Variants in SMC2 observed in about 807,000 individuals in gnomAD.
The protein encoded by SMC2 is structural maintenance of chromosomes protein 2.
Under a neutral mutation model 142.6 loss-of-function variants are expected in SMC2, and 41 were observed. The ratio of observed to expected loss-of-function variants is 0.29; its 90% CI spans 0.22 to 0.37. The LOEUF (loss-of-function observed/expected upper bound fraction) is 0.37. SMC2 is among the 10% of genes least tolerant of loss of function. The pLI is 1.00. For synonymous variants in SMC2, 463 were observed against 457.5 expected, an observed-to-expected ratio of 1.01 and a Z score of -0.15; for missense variants, 1,265 against 1,373.7, an observed-to-expected ratio of 0.92 and a Z score of 1.25.
chr9:104,102,658 T>A (rs1447733671), intron 9 of SMC2, 85 bp downstream of exon 9: 1 of 1,332,048 alleles, frequency 7.5e-7, no homozygotes, highest in African/African-American at 1.5e-5. Context: ...CCATGAATAT[T>A]TAGTGAGTGT....
intron 23 of SMC2, among the ~76,000 whole-genome samples, chr9:104,136,922 A>T (rs189640725): frequency 4.0e-4 from 61 of 152,170 alleles, no homozygotes; most frequent in African/African-American, 1.4e-3. Context: ...AGGCAGGTGG[A>T]TCACTACTTG....
At chr9:104,111,985 G>C (rs1256400010) in intron 10 of SMC2, among the ~76,000 whole-genome samples, 171 bp downstream of exon 10, 1 of 152,134 alleles carries the variant, frequency 6.6e-6, no homozygotes, top group Non-Finnish European at 1.5e-5. Context: ...CAAATATGTT[G>C]ATTGCTAAAT....
chr9:104,124,524 T>A (rs999158155), intron 17 of SMC2, among the ~76,000 whole-genome samples: 2 of 152,214 alleles, frequency 1.3e-5, no homozygotes, highest in African/African-American at 4.8e-5. Flanking sequence ...TAAGCTTGTT[T>A]ATGAAATTAC....
intron 22 of SMC2, 50 bp from the exon 23 acceptor site, chr9:104,134,365 C>G (rs1452464042): frequency 1.4e-6 from 2 of 1,419,540 alleles, no homozygotes; most frequent in Non-Finnish European, 1.9e-6. Flanking sequence ...ACAATTGATT[C>G]TTCTTGGAAA....
chr9:104,108,798 A>G (rs940113081), intron 9 of SMC2, among the ~76,000 whole-genome samples: 1 of 152,080 alleles, frequency 6.6e-6, no homozygotes, highest in African/African-American at 2.4e-5. Flanking sequence ...GGCCATTCCC[A>G]CAAGTGTTGG....
chr9:104,115,434 G>A (rs1437327245), intron 13 of SMC2, among the ~76,000 whole-genome samples: 7 of 151,896 alleles, frequency 4.6e-5, no homozygotes, highest in Non-Finnish European at 1.0e-4. Flanking sequence ...AGTTACCCAG[G>A]CGTAGTGGCG....
At position 104,105,826 on chromosome 9, in the gene SMC2, T is replaced by C. The variant is rs543045854; in HGVS notation, c.1020+3253T>C. On this transcript the variant is annotated intron_variant, in intron 9 of 24. Transcript: ENST00000374793. ...TGGGCTATGACAGAAATGTCCTGGA[T>C]GTCATATCTAACATCTTATCATGTT... 1.2e-4 allele frequency among the ~76,000 whole-genome samples: 19 copies of C among 152,280 alleles called. No individual in the cohort carries two copies. In the East Asian group the frequency reaches 3.7e-3, roughly 29 times the overall value.
At chr9:104,105,957 C>G (rs1831718943) in intron 9 of SMC2, among the ~76,000 whole-genome samples, 2 of 152,186 alleles carry the variant, frequency 1.3e-5, no homozygotes, top group Admixed American at 1.3e-4. Flanking sequence ...CTAACACACT[C>G]CTGGGATCTC....
chr9:104,089,462 GAAT>G (rs1309974866), upstream of SMC2, among the ~76,000 whole-genome samples: 2 of 152,070 alleles, frequency 1.3e-5, no homozygotes, highest in Non-Finnish European at 2.9e-5. Flanking sequence ...TATGAAATGA[GAAT>G]AATATTTGAG....
intron 24 of SMC2, 22 bp from the exon 25 acceptor site, chr9:104,139,117 A>T: frequency 1.3e-6 from 2 of 1,525,622 alleles, no homozygotes; most frequent in Non-Finnish European, 1.7e-6. Flanking sequence ...GTTTTTTTAT[A>T]CTTTTTTCTT....
chr9:104,099,761 T>C, intron 5 of SMC2, 79 bp downstream of exon 5: 1 of 939,500 alleles, frequency 1.1e-6, no homozygotes, highest in Non-Finnish European at 1.6e-6. Flanking sequence ...TTAAATATTC[T>C]ATTAAAATTT....
At chr9:104,100,325 C>G (rs1397591637) in intron 6 of SMC2, 64 bp from the exon 7 acceptor site, 6 of 1,454,170 alleles carry the variant, frequency 4.1e-6, no homozygotes, top group Non-Finnish European at 5.7e-6. Flanking sequence ...CCTGCTACTT[C>G]TCTTTCAAAT....
In SMC2 at chr9:104,102,432, A is replaced by T. The variant is rs376946518; in HGVS notation, c.879A>T (p.Gly293=). Residue 293 remains glycine (G), a synonymous_variant, in exon 9 of 25, where the codon GGA becomes GGT. Transcript: ENST00000374793. ...ELEKRKDKET[G]GILRSLEDAL... The stretch of plus-strand genomic sequence containing the variant: ...ACTGCATTTTGTTATAGGAAACTGG[A>T]GGTATACTTCGATCTTTAGAAGATG... 1.2e-6 allele frequency: 2 copies of T among 1,601,104 alleles called. No individual in the cohort carries two copies. Among genetic ancestry groups the T allele is most frequent in the Non-Finnish European group, 1.7e-6 (2 of 1,175,878 alleles).
At chr9:104,137,203 A>ACCT (rs776735661) in intron 23 of SMC2, among the ~76,000 whole-genome samples, 6 of 152,192 alleles carry the variant, frequency 3.9e-5, no homozygotes, top group Non-Finnish European at 8.8e-5. Context: ...GTATGCCAGG[A>ACCT]TGTACTTGAA....
intron 17 of SMC2, 103 bp from the exon 18 acceptor site, chr9:104,124,809 A>C: frequency 1.2e-6 from 1 of 814,554 alleles, no homozygotes; most frequent in Non-Finnish European, 1.9e-6. Context: ...AATTTTCTTA[A>C]ATTGTACCCT....
chr9:104,122,341 T>C (rs1241404901), intron 16 of SMC2, among the ~76,000 whole-genome samples: 1 of 152,176 alleles, frequency 6.6e-6, no homozygotes. Context: ...GAAAGTAACA[T>C]CTTTTAAACA....
In SMC2 at chr9:104,111,611, GA is replaced by G. The variant is rs1564085309; in HGVS notation, c.1052del (p.Glu351GlyfsTer5). The G allele has an allele frequency of 6.2e-7, 1 of 1,613,518 alleles. No homozygotes were observed. Among genetic ancestry groups the G allele is most frequent in the South Asian group, 1.1e-5 (1 of 90,918 alleles). On this transcript the variant is annotated frameshift_variant, in exon 10 of 25. Coordinates refer to ENST00000374793, the MANE Select transcript of SMC2 (RefSeq NM_006444.3). LOFTEE classifies it high-confidence loss of function. ...AAAAACTTTAGCAGCAAAGGAAAAA[GA>G]GGTTAAAAAGATAACAGATGGACTG... Reference protein sequence around the residue: ...DSKTLAAKEKEVKKITDGLHA... With the variant: ...DSKTLAAKEKXVKKITDGLHA...
At position 104,102,350 on chromosome 9, in the gene SMC2, C is replaced by G. The variant is rs112425009; in HGVS notation, c.871-74C>G. The G allele has an allele frequency of 5.0e-3, 6,856 of 1,373,564 alleles. 29 individuals carry two copies. The highest frequency in any genetic ancestry group is 6.1e-3 in the Non-Finnish European group (6,114 of 1,002,196). The allele number at this position is 1,373,564 out of a possible 1,614,324, so 85.1% of individuals were successfully genotyped here. A position where few individuals can be genotyped will look rare whatever the true frequency, so the allele number is the denominator to read the frequency against. On this transcript the variant is annotated intron_variant, in intron 8 of 24. Coordinates refer to ENST00000374793, the MANE Select transcript of SMC2 (RefSeq NM_006444.3). ...ATAACTTATAAAAAAGTGTTTGATA[C>G]AGAACTCATACAATAAAATGACAGC... is the stretch of plus-strand genomic sequence containing the variant.
At chr9:104,135,629 C>G (rs1835444192) in intron 23 of SMC2, among the ~76,000 whole-genome samples, 1 of 151,998 alleles carries the variant, frequency 6.6e-6, no homozygotes, top group African/African-American at 2.4e-5. Context: ...AATAACAAAG[C>G]AAAAGATACA....
Sources: allele counts gnomAD v4.1 joint callset (sites outside exome capture counted in the v4.1 genomes callset), GRCh38; gene constraint gnomAD v4.1.1; transcripts MANE v1.5; gene names NCBI Gene and HGNC (gene_info 2026-07-23, HGNC 2026-07-21).